The following YAF2 variants were observed in gnomAD, a reference collection of about 807,000 sequenced individuals.
YAF2 encodes the protein YY1 associated factor 2.
A neutral mutation model predicts 20.1 loss-of-function variants in YAF2; 7 were observed. That is an observed-to-expected ratio of 0.35 (90% CI 0.20 to 0.65). The LOEUF (loss-of-function observed/expected upper bound fraction) is 0.65, where lower values mean the gene tolerates loss of function less well. Among genes scored for constraint, YAF2 ranks in the 30% least tolerant of loss-of-function variants. The pLI is 0.69. For synonymous variants in YAF2, 74 were observed against 76.0 expected (o/e 0.97, Z 0.14); for missense variants, 151 against 219.2 (o/e 0.69, Z 1.96).
chr12:42,180,498 G>A (rs2066315754), intron 2 of YAF2, among the ~76,000 whole-genome samples: 1 of 152,212 alleles, frequency 6.6e-6, no homozygotes, highest in African/African-American at 2.4e-5. Flanking sequence ...CTGCAGCCTT[G>A]TATCAGGAGA....
At chr12:42,171,441 G>A (rs1004164493) in intron 2 of YAF2, among the ~76,000 whole-genome samples, 1 of 151,880 alleles carries the variant, frequency 6.6e-6, no homozygotes, top group Non-Finnish European at 1.5e-5. Context: ...AGTGCACTAT[G>A]ATCATACCTC....
chr12:42,219,242 T>C (rs1013872171), intron 2 of YAF2, among the ~76,000 whole-genome samples: 18 of 152,176 alleles, frequency 1.2e-4, no homozygotes, highest in Admixed American at 3.3e-4. Context: ...TTGAAACCAC[T>C]GGGCCTCCTG....
chr12:42,203,791 T>G, intron 2 of YAF2, among the ~76,000 whole-genome samples: 1 of 152,228 alleles, frequency 6.6e-6, no homozygotes, highest in East Asian at 1.9e-4. Context: ...CCATTCTAGA[T>G]TTAAATGCTA....
chr12:42,207,164 C>T (rs1235007186), intron 2 of YAF2, among the ~76,000 whole-genome samples: 2 of 152,140 alleles, frequency 1.3e-5, no homozygotes, highest in Non-Finnish European at 2.9e-5. Flanking sequence ...TGAACAGAAT[C>T]GTACAAAGAC....
chr12:42,184,482 A>C (rs1328400885), intron 2 of YAF2, among the ~76,000 whole-genome samples: 1 of 151,758 alleles, frequency 6.6e-6, no homozygotes, highest in East Asian at 1.9e-4. Context: ...GCTAATTTTT[A>C]TATTTTTAGT....
chr12:42,193,709 G>T (rs1335119877), intron 2 of YAF2, among the ~76,000 whole-genome samples: 1 of 152,052 alleles, frequency 6.6e-6, no homozygotes, highest in Non-Finnish European at 1.5e-5. Context: ...TTGCCCTGTT[G>T]CCCAGGCTGG....
At chr12:42,226,976 G>C (rs1030477375) in intron 2 of YAF2, among the ~76,000 whole-genome samples, 1 of 148,962 alleles carries the variant, frequency 6.7e-6, no homozygotes, top group Non-Finnish European at 1.5e-5. Context: ...GCCCGGGGCA[G>C]TGCGGAGCCG....
chr12:42,192,197 T>C (rs1449191741), intron 2 of YAF2, among the ~76,000 whole-genome samples: 1 of 152,060 alleles, frequency 6.6e-6, no homozygotes, highest in Non-Finnish European at 1.5e-5. Flanking sequence ...AGAAGGGCTT[T>C]ATGAGCCATG....
At chr12:42,190,245 G>C (rs755084328) in intron 2 of YAF2, among the ~76,000 whole-genome samples, 19 of 152,128 alleles carry the variant, frequency 1.2e-4, no homozygotes, top group Non-Finnish European at 2.6e-4. Context: ...TTTGGAAGTT[G>C]AGGAAGGATG....
chr12:42,211,828 T>C, intron 2 of YAF2, among the ~76,000 whole-genome samples: 1 of 151,226 alleles, frequency 6.6e-6, no homozygotes, highest in Non-Finnish European at 1.5e-5. Flanking sequence ...GTGGGCGGAT[T>C]AGCTGAGGTT....
intron 2 of YAF2, among the ~76,000 whole-genome samples, chr12:42,166,062 G>A (rs543693494): frequency 1.3e-5 from 2 of 152,112 alleles, no homozygotes; most frequent in South Asian, 4.1e-4. Flanking sequence ...GGGATTACAA[G>A]CGTGTGCCAC....
At chr12:42,228,547 G>A (rs1332703016) in intron 2 of YAF2, among the ~76,000 whole-genome samples, 5 of 48,892 alleles carry the variant, frequency 1.0e-4, no homozygotes, top group Middle Eastern at 0.023. Flanking sequence ...CTGCCCGGCC[G>A]CCCCTACTGG....
chr12:42,186,938 G>T (rs911223354), intron 2 of YAF2, among the ~76,000 whole-genome samples: 3 of 151,978 alleles, frequency 2.0e-5, no homozygotes, highest in Non-Finnish European at 4.4e-5. Context: ...CCAATTCAGC[G>T]AACTATAATT....
In YAF2 at chr12:42,225,933, T is replaced by A. The variant is rs1014597039; in HGVS notation, c.152+11666A>T. On this transcript the variant is annotated intron_variant, in intron 2 of 3. Coordinates refer to ENST00000534854, the MANE Select transcript of YAF2 (RefSeq NM_005748.6). Reference sequence around the variant, plus strand: ...GTGAAGAAAGTCAATGGTAGCTTGATGGGGACAGCACTGAATCTATAAATT... The same window carrying A: ...GTGAAGAAAGTCAATGGTAGCTTGAAGGGGACAGCACTGAATCTATAAATT... Among the ~76,000 whole-genome samples the A allele has an allele frequency of 1.6e-4, 24 of 152,340 alleles. No homozygotes were observed. In the South Asian group the frequency reaches 2.9e-3, roughly 18 times the overall value.
intron 2 of YAF2, among the ~76,000 whole-genome samples, chr12:42,176,791 G>A (rs141866452): frequency 0.013 from 1,917 of 151,916 alleles, 29 homozygotes; most frequent in South Asian, 0.026. Context: ...GCGAAACCCC[G>A]TCACCACTAA....
chr12:42,207,701 G>A (rs1407067526), intron 2 of YAF2, among the ~76,000 whole-genome samples: 2 of 151,790 alleles, frequency 1.3e-5, no homozygotes, highest in African/African-American at 4.8e-5. Flanking sequence ...GACCATCCTG[G>A]CTAACACGGT....
At chr12:42,186,918 T>C (rs77300573) in intron 2 of YAF2, among the ~76,000 whole-genome samples, 25 of 152,234 alleles carry the variant, frequency 1.6e-4, no homozygotes, top group Non-Finnish European at 3.2e-4. Flanking sequence ...GAGCAAGCCA[T>C]TGCTTGCCAC....
chr12:42,198,803 T>C (rs897546053), intron 2 of YAF2, among the ~76,000 whole-genome samples: 2 of 152,122 alleles, frequency 1.3e-5, no homozygotes, highest in African/African-American at 4.8e-5. Context: ...GGTGCCTTTA[T>C]TGAAGAGTAA....
rs371375193 is a variant in YAF2 at position 42,158,922 on chromosome 12, T to A, written c.*1667A>T. 15 of 152,256 alleles carry A rather than the reference T, an allele frequency of 9.9e-5. No homozygotes were observed. In the East Asian group the frequency reaches 2.9e-3, roughly 29 times the overall value. The allele number at this position is 152,256 out of a possible 1,614,324, so 9.4% of individuals were successfully genotyped here. A position where few individuals can be genotyped will look rare whatever the true frequency, so the allele number is the denominator to read the frequency against. On this transcript the variant is annotated 3_prime_UTR_variant, in exon 4 of 4. Transcript: ENST00000534854. ...CATTTGAAACATGTTAAAAACAGAA[T>A]AAGACAAAAAAATTCATGTTTTAAA...
Sources: allele counts gnomAD v4.1 joint callset (sites outside exome capture counted in the v4.1 genomes callset), GRCh38; gene constraint gnomAD v4.1.1; transcripts MANE v1.5; gene names NCBI Gene and HGNC (gene_info 2026-07-23, HGNC 2026-07-21).